Variants in RAD51B observed in about 807,000 individuals in gnomAD.
RAD51B encodes the protein RAD51 paralog B.
A neutral mutation model predicts 42.2 loss-of-function variants in RAD51B; 38 were observed. The observed-to-expected ratio is 0.90, with a 90% CI of 0.70 to 1.18. The LOEUF (loss-of-function observed/expected upper bound fraction) is 1.18. Ranked by LOEUF, RAD51B falls within the 50% of genes most tolerant of loss-of-function variation. The pLI, the probability that RAD51B is intolerant of heterozygous loss-of-function variation, is 0.00. For missense variants in RAD51B, 373 were observed against 400.7 expected (o/e 0.93, Z 0.59); for synonymous variants, 154 against 145.2 (o/e 1.06, Z -0.43).
At chr14:68,204,979 T>C (rs1244150879) in intron 7 of RAD51B, among the ~76,000 whole-genome samples, 1 of 152,168 alleles carries the variant, frequency 6.6e-6, no homozygotes, top group Non-Finnish European at 1.5e-5. Flanking sequence ...ATGGTCCCCA[T>C]TTTGGGAAAT....
rs187359629 is a variant in RAD51B at position 68,491,616 on chromosome 14, G to T, written c.1036+23366G>T. Among the ~76,000 whole-genome samples, 68 of 152,178 alleles carry T rather than the reference G, an allele frequency of 4.5e-4. No individual in the cohort carries two copies. In the South Asian group the frequency reaches 0.01, roughly 23 times the overall value. ...TCCAGAAACCCGTCTTAGTCCAAGT[G>T]GGGGGGCACTGCAAGAATTCAGTCC... On this transcript the variant is annotated intron_variant, in intron 10 of 10. Coordinates refer to the RAD51B transcript ENST00000487270.
chr14:68,331,458 AG>A (rs2082351427), intron 8 of RAD51B, among the ~76,000 whole-genome samples: 1 of 151,312 alleles, frequency 6.6e-6, no homozygotes, highest in African/African-American at 2.4e-5. Flanking sequence ...AAAAAAAAAA[AG>A]TCCATATGTT....
At chr14:68,650,965 A>G (rs1892688151) in intron 11 of RAD51B, 2 of 607,602 alleles carry the variant, frequency 3.3e-6, no homozygotes, top group Non-Finnish European at 2.9e-6. Flanking sequence ...AAGCATAGCA[A>G]TATGAAGAGA....
intron 9 of RAD51B, among the ~76,000 whole-genome samples, chr14:68,416,795 T>G (rs2084571805): frequency 6.6e-6 from 1 of 152,198 alleles, no homozygotes; most frequent in East Asian, 1.9e-4. Context: ...GGGATAGCCT[T>G]TGTGTAAGCA....
At chr14:68,422,579 T>G (rs930118388) in intron 9 of RAD51B, among the ~76,000 whole-genome samples, 5 of 121,260 alleles carry the variant, frequency 4.1e-5, no homozygotes, top group Non-Finnish European at 8.8e-5. Context: ...AAAAAAAAAA[T>G]TAGGGGTAGA....
At chr14:67,931,835 TG>T (rs2044750120) in intron 7 of RAD51B, among the ~76,000 whole-genome samples, 1 of 152,212 alleles carries the variant, frequency 6.6e-6, no homozygotes, top group African/African-American at 2.4e-5. Flanking sequence ...TATTGGGATG[TG>T]TTGCTGGAGA....
intron 8 of RAD51B, among the ~76,000 whole-genome samples, chr14:68,335,338 A>G (rs530119197): frequency 8.6e-5 from 13 of 151,020 alleles, no homozygotes; most frequent in African/African-American, 2.9e-4. Context: ...AACAGAAAAT[A>G]TGTTATATTT....
At position 68,377,357 on chromosome 14, in the gene RAD51B, C is replaced by A. The variant is rs117613748; in HGVS notation, c.854-34067C>A. Among the ~76,000 whole-genome samples, 1,235 of 152,268 alleles carry A rather than the reference C, an allele frequency of 8.1e-3. 9 individuals are homozygous for A. Among genetic ancestry groups the A allele is most frequent in the Non-Finnish European group, 0.012 (796 of 68,016 alleles). Reference sequence around the variant, plus strand: ...TAAATTGGCCACCCTGAATTATAACCTCATACCTTCTCTAGTTCCTCTCCA... The same window carrying A: ...TAAATTGGCCACCCTGAATTATAACATCATACCTTCTCTAGTTCCTCTCCA... On this transcript the variant is annotated intron_variant, in intron 8 of 10. Transcript: ENST00000471583.
At chr14:68,354,567 G>A (rs933616715) in intron 8 of RAD51B, among the ~76,000 whole-genome samples, 1 of 151,840 alleles carries the variant, frequency 6.6e-6, no homozygotes, top group Non-Finnish European at 1.5e-5. Flanking sequence ...ATGCTTACAA[G>A]CTTAAACATC....
At chr14:67,947,582 T>G (rs1349052045) in intron 7 of RAD51B, among the ~76,000 whole-genome samples, 1 of 152,202 alleles carries the variant, frequency 6.6e-6, no homozygotes, top group Non-Finnish European at 1.5e-5. Flanking sequence ...ATTCATAATT[T>G]CTTATTTCAT....
chr14:68,367,295 T>A (rs2083161930), intron 8 of RAD51B, among the ~76,000 whole-genome samples: 1 of 152,248 alleles, frequency 6.6e-6, no homozygotes, highest in Non-Finnish European at 1.5e-5. Flanking sequence ...TCCTTAGTCA[T>A]AATTTTATGA....
chr14:68,053,967 A>G (rs2140425328), intron 7 of RAD51B, among the ~76,000 whole-genome samples: 1 of 152,342 alleles, frequency 6.6e-6, no homozygotes, highest in East Asian at 1.9e-4. Context: ...TGCACATATT[A>G]TAATACACGC....
At chr14:68,471,693 C>CAAA (rs35932002) in intron 10 of RAD51B, among the ~76,000 whole-genome samples, 8 of 130,600 alleles carry the variant, frequency 6.1e-5, no homozygotes, top group South Asian at 2.3e-4. Context: ...TCTCCTTTTG[C>CAAA]AAAAAAAAAA....
intron 7 of RAD51B, among the ~76,000 whole-genome samples, chr14:68,070,528 A>G (rs141322960): frequency 8.2e-4 from 125 of 152,332 alleles, no homozygotes; most frequent in African/African-American, 2.9e-3. Flanking sequence ...CATTTATTGA[A>G]TAGGGAGTCC....
chr14:67,885,975 G>A lies in RAD51B; in HGVS notation c.559G>A (p.Glu187Lys). ...VHLYRELTCDEVLQRIESLEE... is the reference protein window; with the variant it reads ...VHLYRELTCDKVLQRIESLEE... ...TCTTTATCGGGAACTCACCTGTGAT[G>A]AAGTTCTACAAAGGTATGCTGCTTT... Residue 187 changes from glutamate to lysine, a missense_variant, in exon 6 of 11, where the codon GAA (glutamate) becomes AAA (lysine). Transcript: ENST00000471583. The A allele has an allele frequency of 1.3e-6, 2 of 1,598,652 alleles. No homozygotes were observed. Among genetic ancestry groups the A allele is most frequent in the South Asian group, 1.1e-5 (1 of 89,794 alleles).
chr14:68,207,879 C>G (rs1224495766), intron 7 of RAD51B, among the ~76,000 whole-genome samples: 1 of 151,876 alleles, frequency 6.6e-6, no homozygotes, highest in Admixed American at 6.6e-5. Context: ...TTTTAAATAA[C>G]AAGTCAGCTC....
At chr14:67,894,601 C>T (rs1041606871) in intron 7 of RAD51B, among the ~76,000 whole-genome samples, 4 of 152,256 alleles carry the variant, frequency 2.6e-5, no homozygotes, top group Non-Finnish European at 4.4e-5. Flanking sequence ...AGTATCTTGT[C>T]TACTGTTCCT....
intron 8 of RAD51B, among the ~76,000 whole-genome samples, chr14:68,394,202 G>T (rs2083845274): frequency 6.6e-6 from 1 of 152,222 alleles, no homozygotes; most frequent in African/African-American, 2.4e-5. Context: ...AAGTTTATGA[G>T]CCTCTTTGTA....
chr14:68,046,044 T>A (rs920572718), intron 7 of RAD51B, among the ~76,000 whole-genome samples: 3 of 152,206 alleles, frequency 2.0e-5, no homozygotes, highest in African/African-American at 7.2e-5. Context: ...CAGAAGACCC[T>A]ATCTCATTCT....
Sources: gnomAD v4.1 joint callset for allele counts (sites outside exome capture counted in the v4.1 genomes callset) on GRCh38, gnomAD v4.1.1 for gene constraint, MANE v1.5 for transcripts, NCBI Gene and HGNC (gene_info 2026-07-23, HGNC 2026-07-21) for gene names.